The following OR6N1 variants were observed in gnomAD, a reference collection of about 807,000 sequenced individuals.
The protein encoded by OR6N1 is olfactory receptor family 6 subfamily N member 1.
For synonymous variants in OR6N1, 170 were observed against 150.7 expected (o/e 1.13, Z -0.94); for missense variants, 394 against 371.7 (o/e 1.06, Z -0.49).
the OR6N1 span, among the ~76,000 whole-genome samples, chr1:158,799,304 C>T: frequency 1.3e-5 from 2 of 152,118 alleles, no homozygotes; most frequent in Non-Finnish European, 2.9e-5. Flanking sequence ...TACGTTTAGA[C>T]CTTAATAAAC....
the OR6N1 span, among the ~76,000 whole-genome samples, chr1:158,797,266 C>CT: frequency 3.3e-5 from 5 of 152,252 alleles, no homozygotes; most frequent in African/African-American, 1.2e-4. Flanking sequence ...CCAGGAAACC[C>CT]AAGATGTTGA....
At chr1:158,819,461 C>T in the OR6N1 span, among the ~76,000 whole-genome samples, 4 of 152,140 alleles carry the variant, frequency 2.6e-5, no homozygotes, top group Non-Finnish European at 5.9e-5. Flanking sequence ...GACCTTCATA[C>T]ATTTTAAAGT....
chr1:158,798,032 T>G, the OR6N1 span, among the ~76,000 whole-genome samples: 1 of 152,044 alleles, frequency 6.6e-6, no homozygotes, highest in South Asian at 2.1e-4. Flanking sequence ...ATTTAAAATT[T>G]TAATTAACTG....
the OR6N1 span, among the ~76,000 whole-genome samples, chr1:158,806,509 T>C: frequency 6.6e-6 from 1 of 152,174 alleles, no homozygotes; most frequent in Non-Finnish European, 1.5e-5. Context: ...GTGGAGGGAA[T>C]TTAAGTGTAT....
chr1:158,780,805 G>A, the OR6N1 span, among the ~76,000 whole-genome samples: 2 of 152,126 alleles, frequency 1.3e-5, no homozygotes, highest in African/African-American at 2.4e-5. Flanking sequence ...ATGAATAATT[G>A]TTTTAGAAAC....
chr1:158,836,863 C>T, the OR6N1 span, among the ~76,000 whole-genome samples: 3 of 151,782 alleles, frequency 2.0e-5, no homozygotes, highest in Admixed American at 6.6e-5. Context: ...GTAAATTACC[C>T]TCATCACCAT....
rs1036660646 is a variant in OR6N1, at chr1:158,765,294, A to G, written c.*450T>C. The G allele has an allele frequency of 1.3e-5, 2 of 153,076 alleles. No individual in the cohort carries two copies. Among genetic ancestry groups the G allele is most frequent in the South Asian group, 2.0e-4 (1 of 4,882 alleles). The allele number at this position is 153,076 out of a possible 1,614,324, so 9.5% of individuals were successfully genotyped here. On this transcript the variant is annotated 3_prime_UTR_variant, in exon 2 of 2. Coordinates refer to ENST00000641846, the MANE Select transcript of OR6N1 (RefSeq NM_001005185.2). ...CCAGATATATATGAGTTCAAAAAAC[A>G]TGCTTTTTTCTACTGTACCAGTCTT... is the stretch of plus-strand genomic sequence containing the variant.
upstream of OR6N1, chr1:158,776,730 C>G: frequency 6.2e-7 from 1 of 1,613,438 alleles, no homozygotes; most frequent in Non-Finnish European, 8.5e-7. Context: ...AGATGGTCCT[C>G]TTGATAGCTT....
chr1:158,803,030 T>C, the OR6N1 span, among the ~76,000 whole-genome samples: 2 of 152,322 alleles, frequency 1.3e-5, no homozygotes, highest in Non-Finnish European at 2.9e-5. Flanking sequence ...GAATCATTCA[T>C]AGCCCCAAAT....
At chr1:158,793,576 G>A in the OR6N1 span, among the ~76,000 whole-genome samples, 99,825 of 152,080 alleles carry the variant, frequency 0.66, 34,863 homozygotes, top group African/African-American at 0.91. Flanking sequence ...TCTTTGTACA[G>A]TAACTTTCTC....
the OR6N1 span, among the ~76,000 whole-genome samples, chr1:158,803,992 T>G: frequency 6.6e-6 from 1 of 152,214 alleles, no homozygotes; most frequent in Non-Finnish European, 1.5e-5. Flanking sequence ...TGACACCAGT[T>G]TTTAAGAAAG....
At chr1:158,785,434 AC>A in the OR6N1 span, among the ~76,000 whole-genome samples, 1 of 152,048 alleles carries the variant, frequency 6.6e-6, no homozygotes, top group South Asian at 2.1e-4. Flanking sequence ...ACTGTGACAG[AC>A]TCCTAGATCC....
chr1:158,795,389 C>G, the OR6N1 span, among the ~76,000 whole-genome samples: 1 of 152,176 alleles, frequency 6.6e-6, no homozygotes, highest in Non-Finnish European at 1.5e-5. Flanking sequence ...ACAGGGGCAT[C>G]CAGCTTCTGT....
At chr1:158,797,838 A>G in the OR6N1 span, among the ~76,000 whole-genome samples, 1 of 152,168 alleles carries the variant, frequency 6.6e-6, no homozygotes, top group East Asian at 1.9e-4. Flanking sequence ...TAATTCTCAG[A>G]AGAATGTAAA....
At chr1:158,780,771 G>A in the OR6N1 span, among the ~76,000 whole-genome samples, 8 of 152,202 alleles carry the variant, frequency 5.3e-5, no homozygotes, top group Admixed American at 2.0e-4. Flanking sequence ...CTCATTAGAT[G>A]TTCTCAGTCA....
the OR6N1 span, among the ~76,000 whole-genome samples, chr1:158,835,339 T>C: frequency 7.9e-5 from 12 of 152,168 alleles, no homozygotes; most frequent in African/African-American, 2.7e-4. Flanking sequence ...AGTTTATTCC[T>C]AAGTATTTTA....
chr1:158,824,212 T>A, the OR6N1 span, among the ~76,000 whole-genome samples: 1 of 152,160 alleles, frequency 6.6e-6, no homozygotes, highest in African/African-American at 2.4e-5. Flanking sequence ...AATGAGTAAG[T>A]ATCATGAGAT....
chr1:158,766,539 C>A lies in OR6N1; in HGVS notation c.144G>T (p.Val48=). Residue 48 remains valine, a synonymous_variant, in exon 2 of 2, where the codon GTG becomes GTT. Transcript: ENST00000641846. ...TGTGAAGCCGGGAGTCCAGGCAGAC[C>A]ACCAGGAATATCAGCAGGTTTCCCA... is the stretch of plus-strand genomic sequence containing the variant. ...TVLGNLLIFL[V]VCLDSRLHTP... The A allele has an allele frequency of 6.2e-7, 1 of 1,613,932 alleles. No individual in the cohort carries two copies. The highest frequency in any genetic ancestry group is 8.5e-7 in the Non-Finnish European group (1 of 1,179,964).
chr1:158,790,052 T>C, the OR6N1 span, among the ~76,000 whole-genome samples: 1 of 152,220 alleles, frequency 6.6e-6, no homozygotes, highest in South Asian at 2.1e-4. Context: ...TTCTTCTTCA[T>C]ATAGTCATCT....
Sources: gnomAD v4.1 joint callset for allele counts (sites outside exome capture counted in the v4.1 genomes callset) on GRCh38, gnomAD v4.1.1 for gene constraint, MANE v1.5 for transcripts, NCBI Gene and HGNC (gene_info 2026-07-23, HGNC 2026-07-21) for gene names.